PDE1A: variants seen among roughly 807,000 people sequenced by gnomAD.
PDE1A encodes dual specificity calcium/calmodulin-dependent 3',5'-cyclic nucleotide phosphodiesterase 1A.
In PDE1A, 35 loss-of-function variants were observed where a neutral mutation model predicts 61.7. The observed-to-expected ratio is 0.57, with a 90% CI of 0.43 to 0.75. The LOEUF is 0.75. PDE1A is among the 30% of genes least tolerant of loss of function. The pLI, the probability that PDE1A is intolerant of heterozygous loss-of-function variation, is 0.00. For missense variants in PDE1A, 597 were observed against 630.6 expected (o/e 0.95, Z 0.57); for synonymous variants, 232 against 213.2 (o/e 1.09, Z -0.77).
the PDE1A span, among the ~76,000 whole-genome samples, chr2:182,694,863 A>C: frequency 6.8e-6 from 1 of 147,150 alleles, no homozygotes; most frequent in Non-Finnish European, 1.5e-5. Flanking sequence ...TTTTTTTTTT[A>C]AAAAGACAAG....
At position 182,474,516 on chromosome 2, in the gene PDE1A, A is replaced by C. The variant is rs188281845; in HGVS notation, c.101+47760T>G. On this transcript the variant is annotated intron_variant, in intron 2 of 14. Coordinates refer to the PDE1A transcript ENST00000410103. ...CATGTGATCTTGATCAAGCCACTTA[A>C]CTCCTCTGAACCCTGGTATTTTTTA... Among the ~76,000 whole-genome samples the C allele has an allele frequency of 2.6e-5, 4 of 151,838 alleles. No homozygotes were observed. In the East Asian group the frequency reaches 7.8e-4, roughly 30 times the overall value.
the PDE1A span, among the ~76,000 whole-genome samples, chr2:182,693,249 T>A: frequency 6.6e-5 from 10 of 152,322 alleles, no homozygotes; most frequent in African/African-American, 2.2e-4. Flanking sequence ...CAAGTATCAA[T>A]TTTGGTCACT....
intron 13 of PDE1A, among the ~76,000 whole-genome samples, chr2:182,150,816 T>G (rs1210390210): frequency 6.6e-6 from 1 of 152,196 alleles, no homozygotes; most frequent in African/African-American, 2.4e-5. Context: ...AAGCTCACTT[T>G]TACCATATTA....
At position 182,185,973 on chromosome 2, in the gene PDE1A, C is replaced by T. The variant is rs1416936808; in HGVS notation, c.1435G>A (p.Val479Met). The T allele has an allele frequency of 1.5e-5, 24 of 1,613,994 alleles. No homozygotes were observed. The highest frequency in any genetic ancestry group is 2.7e-5 in the African/African-American group (2 of 74,922). ...TTGTTCTTGAAACTCTTCAGGTCCA[C>T]TGCTGCAAGGGAGTAGTCTGGGGAA... Residue 479 changes from valine to methionine, a missense_variant, in exon 13 of 14, where the codon GTG becomes ATG. Coordinates refer to ENST00000351439, the Ensembl canonical transcript of PDE1A.
chr2:182,249,124 G>A (rs1046907695), intron 2 of PDE1A, among the ~76,000 whole-genome samples: 3 of 152,214 alleles, frequency 2.0e-5, no homozygotes, highest in Admixed American at 2.0e-4. Flanking sequence ...CACCACAGGT[G>A]GAAACCTCAG....
At chr2:182,563,892 T>G in the PDE1A span, among the ~76,000 whole-genome samples, 1 of 152,180 alleles carries the variant, frequency 6.6e-6, no homozygotes, top group African/African-American at 2.4e-5. Context: ...CCTTTTTTTG[T>G]TTTCCATTTG....
chr2:182,616,595 A>G, the PDE1A span, among the ~76,000 whole-genome samples: 1 of 152,184 alleles, frequency 6.6e-6, no homozygotes, highest in Admixed American at 6.5e-5. Flanking sequence ...CTACATCTTT[A>G]TCTACACCCA....
At chr2:182,524,808 C>A (rs1015322375), upstream of PDE1A, among the ~76,000 whole-genome samples, 2 of 151,780 alleles carry the variant, frequency 1.3e-5, no homozygotes, top group Admixed American at 1.3e-4. Context: ...AAAAAATGAT[C>A]CAATTTGTAT....
the PDE1A span, among the ~76,000 whole-genome samples, chr2:182,690,308 C>A: frequency 6.6e-6 from 1 of 152,028 alleles, no homozygotes; most frequent in East Asian, 1.9e-4. Flanking sequence ...GAATCCAGCA[C>A]GACATCAAAA....
chr2:182,373,342 T>A (rs1328818935), intron 1 of PDE1A, among the ~76,000 whole-genome samples: 1 of 152,176 alleles, frequency 6.6e-6, no homozygotes, highest in African/African-American at 2.4e-5. Flanking sequence ...GACAAGGGAC[T>A]GCTAAGGAAA....
At chr2:182,162,688 G>A (rs185108216) in intron 13 of PDE1A, among the ~76,000 whole-genome samples, 2 of 152,240 alleles carry the variant, frequency 1.3e-5, no homozygotes, top group Admixed American at 1.3e-4. Context: ...GCTTTTCAGG[G>A]ATGACTGGCC....
intron 13 of PDE1A, among the ~76,000 whole-genome samples, chr2:182,158,433 T>A (rs1038436809): frequency 1.3e-5 from 2 of 152,208 alleles, no homozygotes; most frequent in African/African-American, 2.4e-5. Context: ...CTGCCTTTAT[T>A]TGATGAAGTT....
intron 1 of PDE1A, among the ~76,000 whole-genome samples, chr2:182,381,173 C>A (rs1559397989): frequency 1.4e-5 from 2 of 143,230 alleles, no homozygotes; most frequent in African/African-American, 5.1e-5. Context: ...TGAATGTGTA[C>A]TTTTTTTTTT....
chr2:182,715,861 T>C, the PDE1A span, among the ~76,000 whole-genome samples: 1 of 152,204 alleles, frequency 6.6e-6, no homozygotes, highest in African/African-American at 2.4e-5. Context: ...AAATTTCGCC[T>C]TTCGGTCTCA....
At chr2:182,621,817 C>A in the PDE1A span, among the ~76,000 whole-genome samples, 1 of 152,062 alleles carries the variant, frequency 6.6e-6, no homozygotes, top group East Asian at 1.9e-4. Context: ...GCATTACATC[C>A]TGAAGAAAAA....
chr2:182,572,779 G>A, the PDE1A span, among the ~76,000 whole-genome samples: 1 of 148,806 alleles, frequency 6.7e-6, no homozygotes, highest in African/African-American at 2.5e-5. Context: ...TGAGGCAGGA[G>A]AATGGTGTGA....
At chr2:182,561,268 A>G in the PDE1A span, among the ~76,000 whole-genome samples, 1 of 152,154 alleles carries the variant, frequency 6.6e-6, no homozygotes, top group Non-Finnish European at 1.5e-5. Context: ...TCAGCTTTCC[A>G]CATATGGGTA....
At chr2:182,291,920 C>T (rs1394027350) in intron 1 of PDE1A, among the ~76,000 whole-genome samples, 3 of 151,834 alleles carry the variant, frequency 2.0e-5, no homozygotes, top group South Asian at 2.1e-4. Context: ...ATTGTGTTTC[C>T]CCTCCCCTAA....
chr2:182,581,504 A>G, the PDE1A span, among the ~76,000 whole-genome samples: 3 of 152,280 alleles, frequency 2.0e-5, no homozygotes, highest in South Asian at 4.1e-4. Flanking sequence ...ATTTTTACCT[A>G]AAGGAATAAT....
Sources: allele counts gnomAD v4.1 joint callset (sites outside exome capture counted in the v4.1 genomes callset), GRCh38; gene constraint gnomAD v4.1.1; transcripts MANE v1.5; gene names NCBI Gene and HGNC (gene_info 2026-07-23, HGNC 2026-07-21).